The following HARS2 variants were observed in gnomAD, a reference collection of about 807,000 sequenced individuals.
The protein encoded by HARS2 is histidyl-tRNA synthetase 2, mitochondrial, also known as histidine--tRNA ligase, mitochondrial.
A neutral mutation model predicts 62.4 loss-of-function variants in HARS2; 40 were observed. That is an observed-to-expected ratio of 0.64 (90% CI 0.50 to 0.83). The LOEUF (loss-of-function observed/expected upper bound fraction) is 0.83, where lower values mean the gene tolerates loss of function less well. HARS2 is among the 40% of genes least tolerant of loss of function. HARS2 has a pLI of 0.00. For missense variants in HARS2, 569 were observed against 626.4 expected (o/e 0.91, Z 0.98); for synonymous variants, 228 against 227.0 (o/e 1.00, Z -0.04).
In HARS2 at chr5:140,697,035, T is replaced by C; in HGVS notation, c.919T>C (p.Phe307Leu). 6.2e-7 allele frequency: 1 copy of C among 1,614,124 alleles called. No homozygotes were observed. The highest frequency in any genetic ancestry group is 2.2e-5 in the East Asian group (1 of 44,874). The change falls in exon 9 of 13, where the codon TTT (phenylalanine) becomes CTT (leucine). Residue 307 changes from phenylalanine to leucine, a missense_variant. By Grantham distance (22) the Phe-to-Leu change is conservative (BLOSUM62 0). Coordinates refer to ENST00000230771, the MANE Select transcript of HARS2 (RefSeq NM_012208.4). ...GGGCCTGGGAGACCTAAAGCTGCTA[T>C]TTGAATACCTGACTTTATTTGGAAT... ...LEGLGDLKLLFEYLTLFGIAD... is the reference protein window; with the variant it reads ...LEGLGDLKLLLEYLTLFGIAD...
chr5:140,697,896 C>T (rs1309161899), intron 11 of HARS2, 36 bp from the exon 12 acceptor site: 3 of 1,607,956 alleles, frequency 1.9e-6, no homozygotes, highest in Non-Finnish European at 2.6e-6. Context: ...GCTGTGTTCA[C>T]TTCTAAGTCC....
rs944737609 is a variant in HARS2, at chr5:140,693,603, G to C, written c.121G>C (p.Val41Leu). The change falls in exon 2 of 13, where the codon GTG (valine) becomes CTG (leucine). Residue 41 changes from valine (V) to leucine (L), a missense_variant. Coordinates refer to ENST00000230771, the MANE Select transcript of HARS2 (RefSeq NM_012208.4). Reference sequence around the variant, plus strand: ...ATTCTTCTGCCAGGTTGCAGAGGCAGTGTTAACATCCCAACTGAAAGCACA... The same window carrying C: ...ATTCTTCTGCCAGGTTGCAGAGGCACTGTTAACATCCCAACTGAAAGCACA... ...VRCQSQVAEA[V>L]LTSQLKAHQE... 1 of 1,613,988 alleles carries C rather than the reference G, an allele frequency of 6.2e-7. No homozygotes were observed. The highest frequency in any genetic ancestry group is 1.1e-5 in the South Asian group (1 of 91,078).
In HARS2 at chr5:140,698,779, A is replaced by G; in HGVS notation, c.*227A>G. 1.7e-6 allele frequency: 1 copy of G among 588,416 alleles called. No homozygotes were observed. Among genetic ancestry groups the G allele is most frequent in the Non-Finnish European group, 3.0e-6 (1 of 328,864 alleles). 36.4% of individuals were successfully genotyped at this position (588,416 alleles called of 1,614,324 possible). On this transcript the variant is annotated 3_prime_UTR_variant, in exon 13 of 13. Coordinates refer to ENST00000230771, the MANE Select transcript of HARS2 (RefSeq NM_012208.4). ...GTGCAGATGGCTGGATGTGAAAGAGACATGCTCTAGCTGCAGAGGCAAATT... is the reference window on the plus strand; with the variant it reads ...GTGCAGATGGCTGGATGTGAAAGAGGCATGCTCTAGCTGCAGAGGCAAATT...
intron 1 of HARS2, among the ~76,000 whole-genome samples, chr5:140,692,585 A>G (rs1471484476): frequency 6.6e-6 from 1 of 152,158 alleles, no homozygotes; most frequent in Non-Finnish European, 1.5e-5. Flanking sequence ...AACCAGTGCT[A>G]CCTTATTAAA....
chr5:140,697,713 C>G (rs750416601), intron 11 of HARS2, 28 bp downstream of exon 11: 20 of 1,502,754 alleles, frequency 1.3e-5, no homozygotes, highest in Non-Finnish European at 1.7e-5. Context: ...TCTGAGCCAT[C>G]TGGGTATGTG....
intron 1 of HARS2, 95 bp downstream of exon 1, chr5:140,691,851 G>A (rs1426347943): frequency 2.3e-6 from 2 of 882,478 alleles, no homozygotes; most frequent in African/African-American, 3.3e-5. Context: ...TGTTACAATC[G>A]GTTTTTATCG....
At chr5:140,693,885 T>G (rs1187701891) in intron 2 of HARS2, 50 bp from the exon 3 acceptor site, 1 of 1,609,870 alleles carries the variant, frequency 6.2e-7, no homozygotes, top group Non-Finnish European at 8.5e-7. Flanking sequence ...TTGTCTGAAA[T>G]GGACTTATTT....
intron 4 of HARS2, among the ~76,000 whole-genome samples, chr5:140,694,957 T>C (rs7714296): frequency 6.7e-6 from 1 of 150,056 alleles, no homozygotes; most frequent in South Asian, 2.1e-4. Flanking sequence ...AAAAAAAAAA[T>C]TTTTTTTGTG....
chr5:140,696,100 C>T lies in HARS2; in HGVS notation c.634-3C>T, dbSNP rs761662978. The T allele has an allele frequency of 1.9e-6, 3 of 1,611,540 alleles. No homozygotes were observed. Among genetic ancestry groups the T allele is most frequent in the East Asian group, 2.2e-5 (1 of 44,876 alleles). Reference sequence around the variant, plus strand: ...ACTTGGGTCACTGACATTGAGTTCTCAGGTAAATGACCGGCGGATTGTGGA... The same window carrying T: ...ACTTGGGTCACTGACATTGAGTTCTTAGGTAAATGACCGGCGGATTGTGGA... On this transcript the variant is annotated splice_polypyrimidine_tract_variant and splice_region_variant and intron_variant, in intron 6 of 12. Transcript: ENST00000230771.
At chr5:140,692,754 G>A (rs1403829582) in intron 1 of HARS2, among the ~76,000 whole-genome samples, 1 of 152,048 alleles carries the variant, frequency 6.6e-6, no homozygotes, top group Admixed American at 6.6e-5. Context: ...TTAGCCGGGC[G>A]TGGTGGCATG....
chr5:140,693,869 A>C (rs1321215421), intron 2 of HARS2, 66 bp from the exon 3 acceptor site: 2 of 1,588,406 alleles, frequency 1.3e-6, no homozygotes, highest in Non-Finnish European at 1.7e-6. Context: ...AGTGTAGTTT[A>C]ACTCCTTGTC....
Position 140,698,005 on chromosome 5 carries a change from T to C in HARS2, c.1388T>C (p.Leu463Pro), listed in dbSNP as rs1759826006. 2 of 1,613,968 alleles carry C rather than the reference T, an allele frequency of 1.2e-6. No individual in the cohort carries two copies. The highest frequency in any genetic ancestry group is 8.5e-7 in the Non-Finnish European group (1 of 1,179,964). Reference sequence around the variant, plus strand: ...TATTGTGAGAGCACAGGCATTCCACTGGTGGTCATTATTGGTGAGCAAGAA... The same window carrying C: ...TATTGTGAGAGCACAGGCATTCCACCGGTGGTCATTATTGGTGAGCAAGAA... ...LHYCESTGIP[L>P]VVIIGEQELK... The change falls in exon 12 of 13, where the codon CTG becomes CCG. Residue 463 changes from leucine (L) to proline (P), a missense_variant. Physicochemically the swap from Leu to Pro is moderately conservative, Grantham distance 98 (BLOSUM62 -3). Transcript: ENST00000230771.
Position 140,698,832 on chromosome 5 carries a change from G to A in HARS2, c.*280G>A, listed in dbSNP as rs557365341. 1.0e-5 allele frequency: 5 copies of A among 487,824 alleles called. No homozygotes were observed. The East Asian group carries it at 2.0e-4, about 19-fold the overall frequency. 30.2% of individuals were successfully genotyped at this position (487,824 alleles called of 1,614,324 possible). A position where few individuals can be genotyped will look rare whatever the true frequency, so the allele number is the denominator to read the frequency against. The stretch of plus-strand genomic sequence containing the variant: ...AAGTGCCACGGAACGTTGTCAAGAG[G>A]TAGTGAGATTGTTGCTGTGAGCAAG... On this transcript the variant is annotated 3_prime_UTR_variant, in exon 13 of 13. Transcript: ENST00000230771.
Position 140,695,721 on chromosome 5 carries a change from C to G in HARS2, c.526-17C>G. On this transcript the variant is annotated splice_polypyrimidine_tract_variant and intron_variant, in intron 5 of 12. Coordinates refer to ENST00000230771, the MANE Select transcript of HARS2 (RefSeq NM_012208.4). ...CTGGATAATGGATGTTTTTTCCCAT[C>G]TTTTTCTTTGCTGTAGGATTTTGAC... 2.5e-6 allele frequency: 4 copies of G among 1,613,256 alleles called. 1 individual carries two copies. In the South Asian group the frequency reaches 4.4e-5, roughly 18 times the overall value.
rs1759740013 is a variant in HARS2 at position 140,696,320 on chromosome 5, G to A, written c.732+119G>A. On this transcript the variant is annotated intron_variant, in intron 7 of 12. Coordinates refer to ENST00000230771, the MANE Select transcript of HARS2 (RefSeq NM_012208.4). ...GAAGTGGGCTATTTTGGGGTGGAAG[G>A]TAAGGAGGCATACTCTGAAGGAAGA... 9 of 842,910 alleles carry A rather than the reference G, an allele frequency of 1.1e-5. No homozygotes were observed. In the Admixed American group the frequency reaches 1.5e-4, roughly 14 times the overall value. The allele number at this position is 842,910 out of a possible 1,614,324, so 52.2% of individuals were successfully genotyped here. A position where few individuals can be genotyped will look rare whatever the true frequency, so the allele number is the denominator to read the frequency against.
At position 140,697,352 on chromosome 5, in the gene HARS2, G is replaced by A. The variant is rs1449216621; in HGVS notation, c.1143G>A (p.Val381=). The change falls in exon 10 of 13, where the codon GTG becomes GTA. Residue 381 remains valine (V), a synonymous_variant. Transcript: ENST00000230771. ...CCAAGGGCCACAAGGTGCCATGTGT[G>A]GGACTCAGCATTGGGGTTGAGCGAA... ...FDPKGHKVPC[V]GLSIGVERIF... 7 of 1,614,144 alleles carry A rather than the reference G, an allele frequency of 4.3e-6. No homozygotes were observed. The highest frequency in any genetic ancestry group is 5.1e-6 in the Non-Finnish European group (6 of 1,180,022).
Position 140,697,265 on chromosome 5 carries a change from C to G in HARS2, c.1056C>G (p.Pro352=), listed in dbSNP as rs375264978. ...LQTPTQAGEE[P]LNVGSVAAGG... The stretch of plus-strand genomic sequence containing the variant: ...CCCCAACTCAGGCTGGGGAGGAGCC[C>G]CTGAATGTGGGCAGTGTGGCTGCTG... The change falls in exon 10 of 13, where the codon CCC becomes CCG. Residue 352 remains proline, a synonymous_variant. Transcript: ENST00000230771. 3.7e-6 allele frequency: 6 copies of G among 1,614,102 alleles called. No individual in the cohort carries two copies. Among genetic ancestry groups the G allele is most frequent in the Non-Finnish European group, 5.1e-6 (6 of 1,180,030 alleles).
chr5:140,693,908 T>G (rs1353292949), intron 2 of HARS2, 27 bp from the exon 3 acceptor site: 1 of 1,613,846 alleles, frequency 6.2e-7, no homozygotes, highest in Admixed American at 1.7e-5. Flanking sequence ...TGTTTTTGTT[T>G]TCACTATGGC....
Position 140,695,602 on chromosome 5 carries a change from T to TC in HARS2, c.496dup (p.Gln166ProfsTer5), listed in dbSNP as rs1759709304. On this transcript the variant is annotated frameshift_variant, in exon 5 of 13. Transcript: ENST00000230771. LOFTEE classifies it high-confidence loss of function. ...TGGCGGCGAGAGAGCCCAACCATAG[T>TC]CCAAGGCCGTTATAGGGAGTTCTGC... 1 of 1,614,082 alleles carries TC rather than the reference T, an allele frequency of 6.2e-7. No homozygotes were observed. Among genetic ancestry groups the TC allele is most frequent in the South Asian group, 1.1e-5 (1 of 91,084 alleles).
Sources: gnomAD v4.1 joint callset for allele counts (sites outside exome capture counted in the v4.1 genomes callset) on GRCh38, gnomAD v4.1.1 for gene constraint, MANE v1.5 for transcripts, NCBI Gene and HGNC (gene_info 2026-07-23, HGNC 2026-07-21) for gene names.